The following GFPT1 variants were observed in gnomAD, a reference collection of about 807,000 sequenced individuals.
GFPT1 encodes glutamine--fructose-6-phosphate transaminase 1.
Under a neutral mutation model 92.0 loss-of-function variants are expected in GFPT1, and 40 were observed. The observed-to-expected ratio is 0.43, with a 90% confidence interval of 0.34 to 0.57. The LOEUF (loss-of-function observed/expected upper bound fraction) is 0.57. GFPT1 is among the 20% of genes least tolerant of loss of function. The probability of loss-of-function intolerance (pLI) is 0.02; values close to 1 mark genes in which losing one functional copy is unlikely to be tolerated. For synonymous variants in GFPT1, 269 were observed against 280.6 expected, an observed-to-expected ratio of 0.96 and a Z score of 0.41; for missense variants, 448 against 869.1, an observed-to-expected ratio of 0.52 and a Z score of 6.09.
intron 15 of GFPT1, among the ~76,000 whole-genome samples, 155 bp from the exon 16 acceptor site, chr2:69,329,953 C>T (rs1670621090): frequency 6.6e-6 from 1 of 152,326 alleles, no homozygotes; most frequent in East Asian, 1.9e-4. Context: ...CATGGTGGCT[C>T]ATGCCTGTAA....
Position 69,370,113 on chromosome 2 carries a change from AC to A in GFPT1, c.116-6del. 2 of 1,581,216 alleles carry A rather than the reference AC, an allele frequency of 1.3e-6. No individual in the cohort carries two copies. The highest frequency in any genetic ancestry group is 1.7e-6 in the Non-Finnish European group (2 of 1,149,964). ...TGCCTCCATCAAATCCCACACCTAAACCATCATGAGGTAAAAAAGCAAAATT... is the reference window on the plus strand; with the variant it reads ...TGCCTCCATCAAATCCCACACCTAAACATCATGAGGTAAAAAAGCAAAATT... On this transcript the variant is annotated splice_region_variant and splice_polypyrimidine_tract_variant and intron_variant, in intron 2 of 19. Transcript: ENST00000357308.
intron 15 of GFPT1, among the ~76,000 whole-genome samples, chr2:69,335,416 A>G (rs550436471): frequency 6.6e-6 from 1 of 152,210 alleles, no homozygotes; most frequent in Non-Finnish European, 1.5e-5. Context: ...TAAAATATAT[A>G]TTTCCCTTGG....
At chr2:69,352,073 C>T (rs1671219007) in intron 9 of GFPT1, among the ~76,000 whole-genome samples, 1 of 148,556 alleles carries the variant, frequency 6.7e-6, no homozygotes, top group Non-Finnish European at 1.5e-5. Context: ...ACCAGCCTGG[C>T]CAACATGGTG....
At chr2:69,373,257 A>G (rs1433542368) in intron 2 of GFPT1, among the ~76,000 whole-genome samples, 1 of 152,212 alleles carries the variant, frequency 6.6e-6, no homozygotes, top group Non-Finnish European at 1.5e-5. Context: ...AACCTCTGAC[A>G]TAGTTGAGGG....
intron 1 of GFPT1, among the ~76,000 whole-genome samples, chr2:69,384,622 A>G (rs1672084408): frequency 6.7e-6 from 1 of 148,592 alleles, no homozygotes; most frequent in South Asian, 2.2e-4. Flanking sequence ...TGAACCCCGG[A>G]GACAGAGGCT....
intron 15 of GFPT1, chr2:69,334,538 G>T (rs1187228734): frequency 6.6e-6 from 1 of 152,096 alleles, no homozygotes; most frequent in Non-Finnish European, 1.5e-5. Flanking sequence ...AAAAAGATTT[G>T]CAGAAAGAAA....
At chr2:69,350,425 TG>T (rs1574062378) in intron 9 of GFPT1, among the ~76,000 whole-genome samples, 1 of 152,158 alleles carries the variant, frequency 6.6e-6, no homozygotes, top group South Asian at 2.1e-4. Context: ...CTACATTATA[TG>T]TTTTTTTAAT....
chr2:69,378,294 C>A (rs1671928221), intron 1 of GFPT1, among the ~76,000 whole-genome samples: 1 of 152,238 alleles, frequency 6.6e-6, no homozygotes, highest in African/African-American at 2.4e-5. Flanking sequence ...GCATAAGCCA[C>A]TGCACCCGGC....
chr2:69,373,258 T>C (rs1254670672), intron 2 of GFPT1, among the ~76,000 whole-genome samples: 1 of 152,104 alleles, frequency 6.6e-6, no homozygotes, highest in African/African-American at 2.4e-5. Flanking sequence ...ACCTCTGACA[T>C]AGTTGAGGGA....
At chr2:69,383,783 G>A (rs1308937502) in intron 1 of GFPT1, among the ~76,000 whole-genome samples, 1 of 152,006 alleles carries the variant, frequency 6.6e-6, no homozygotes, top group Admixed American at 6.6e-5. Context: ...GCGCCACTAC[G>A]CCCGGCTAAT....
chr2:69,369,935 A>G, intron 3 of GFPT1, 66 bp downstream of exon 3: 1 of 906,094 alleles, frequency 1.1e-6, no homozygotes, highest in Non-Finnish European at 1.9e-6. Flanking sequence ...AGTAACTTAG[A>G]GGAGAATGGG....
intron 3 of GFPT1, among the ~76,000 whole-genome samples, chr2:69,368,583 C>T (rs1166847352): frequency 6.6e-6 from 1 of 152,084 alleles, no homozygotes; most frequent in East Asian, 1.9e-4. Flanking sequence ...CAAAAATTAG[C>T]CGGGCATGAT....
chr2:69,346,244 C>G (rs79417019), intron 11 of GFPT1, among the ~76,000 whole-genome samples: 1 of 145,618 alleles, frequency 6.9e-6, no homozygotes, highest in South Asian at 2.2e-4. Context: ...ATGAGACAAG[C>G]TTTTTTTTTT....
chr2:69,330,512 C>T lies in GFPT1; in HGVS notation c.1483-714G>A, dbSNP rs192404986. On this transcript the variant is annotated intron_variant, in intron 15 of 19. Coordinates refer to ENST00000357308, the MANE Select transcript of GFPT1 (RefSeq NM_001244710.2). ...ATTGCTGGATTTTTTTTTTTAATTGCTCTTTGATTTCCACCTTTGCCTATT... is the reference window on the plus strand; with the variant it reads ...ATTGCTGGATTTTTTTTTTTAATTGTTCTTTGATTTCCACCTTTGCCTATT... Among the ~76,000 whole-genome samples, 108 of 145,448 alleles carry T rather than the reference C, an allele frequency of 7.4e-4. 2 individuals carry two copies. The East Asian group carries it at 0.02, about 26-fold the overall frequency.
At chr2:69,353,723 A>G (rs1671267621) in intron 9 of GFPT1, among the ~76,000 whole-genome samples, 1 of 152,188 alleles carries the variant, frequency 6.6e-6, no homozygotes, top group Admixed American at 6.5e-5. Context: ...TAAAAAAGTT[A>G]CATCGAAGTA....
chr2:69,330,703 A>C (rs1284950917), intron 15 of GFPT1, among the ~76,000 whole-genome samples: 1 of 152,092 alleles, frequency 6.6e-6, no homozygotes, highest in Non-Finnish European at 1.5e-5. Flanking sequence ...ATATTGCCTT[A>C]AAGTTTTTAC....
chr2:69,386,027 T>TAAAA (rs370310082), intron 1 of GFPT1, among the ~76,000 whole-genome samples: 3 of 140,342 alleles, frequency 2.1e-5, no homozygotes, highest in Non-Finnish European at 3.1e-5. Context: ...TACTTCCCTT[T>TAAAA]AAAAAAAAAA....
chr2:69,336,506 C>T (rs1372777561), intron 15 of GFPT1, among the ~76,000 whole-genome samples: 1 of 151,908 alleles, frequency 6.6e-6, no homozygotes, highest in African/African-American at 2.4e-5. Context: ...AAACTCAAAT[C>T]CACCAATATC....
chr2:69,326,205 G>T lies in GFPT1; in HGVS notation c.2084C>A (p.Ser695Tyr). 6.3e-7 allele frequency: 1 copy of T among 1,594,430 alleles called. No homozygotes were observed. The highest frequency in any genetic ancestry group is 8.6e-7 in the Non-Finnish European group (1 of 1,166,014). ...AGATATTCCTCACTCTACAGTCACA[G>T]ATTTGGCAAGATTCCGTGGGAAATC... ...DVDFPRNLAK[S>Y]VTVE Residue 695 changes from serine to tyrosine, a missense_variant, in exon 20 of 20, where the codon TCT (serine) becomes TAT (tyrosine). By Grantham distance (144) the Ser-to-Tyr change is moderately radical. This residue lies in a region of GFPT1 where 55 missense variants were observed against 98.8 expected (regional missense o/e 0.56). Coordinates refer to ENST00000357308, the MANE Select transcript of GFPT1 (RefSeq NM_001244710.2).
Sources: gnomAD v4.1 joint callset for allele counts (sites outside exome capture counted in the v4.1 genomes callset) on GRCh38, gnomAD v4.1.1 for gene constraint, gnomAD v4.1.1 regional missense constraint, MANE v1.5 for transcripts, NCBI Gene and HGNC (gene_info 2026-07-23, HGNC 2026-07-21) for gene names.